Variants in PIKFYVE observed in about 807,000 individuals in gnomAD.
The protein encoded by PIKFYVE is phosphoinositide kinase, FYVE-type zinc finger containing.
In PIKFYVE, 122 loss-of-function variants were observed where a neutral mutation model predicts 257.9. The ratio of observed to expected loss-of-function variants is 0.47; its 90% CI spans 0.41 to 0.55. The LOEUF is 0.55. PIKFYVE is among the 20% of genes least tolerant of loss of function. PIKFYVE has a pLI of 0.00. For missense variants in PIKFYVE, 2,160 were observed against 2,536.6 expected (o/e 0.85, Z 3.19); for synonymous variants, 892 against 868.9 (o/e 1.03, Z -0.47).
chr2:208,294,074 G>T (rs937355889), intron 7 of PIKFYVE, among the ~76,000 whole-genome samples: 3 of 151,850 alleles, frequency 2.0e-5, no homozygotes, highest in Non-Finnish European at 4.4e-5. Flanking sequence ...ACCTTTTGTA[G>T]TTGTCCCACA....
At chr2:208,306,184 G>A (rs2125374885) in intron 12 of PIKFYVE, among the ~76,000 whole-genome samples, 1 of 152,324 alleles carries the variant, frequency 6.6e-6, no homozygotes, top group East Asian at 1.9e-4. Context: ...AGTAGAGAAG[G>A]TGTGTTAATG....
chr2:208,271,247 T>C (rs1280833560), intron 1 of PIKFYVE, among the ~76,000 whole-genome samples: 1 of 152,202 alleles, frequency 6.6e-6, no homozygotes, highest in Non-Finnish European at 1.5e-5. Context: ...TTTTTATTAA[T>C]TTAAATCTTT....
rs1160340036 is a variant in PIKFYVE at position 208,284,708 on chromosome 2, C to T, written c.614-1018C>T. ...ATAAAGACCTTAATAATATTTTCCT[C>T]CTTAATTAATTTGCCTATGGAAAAT... On this transcript the variant is annotated intron_variant, in intron 5 of 41. Coordinates refer to ENST00000264380, the MANE Select transcript of PIKFYVE (RefSeq NM_015040.4). Among the ~76,000 whole-genome samples the T allele has an allele frequency of 2.0e-5, 3 of 152,048 alleles. No homozygotes were observed. The East Asian group carries it at 5.8e-4, about 29-fold the overall frequency.
chr2:208,286,254 A>G (rs2363465), intron 6 of PIKFYVE, among the ~76,000 whole-genome samples: 119,078 of 152,116 alleles, frequency 0.78, 47,579 homozygotes, highest in East Asian at 0.93. Flanking sequence ...TGAGATTTTT[A>G]ATTTAATTAA....
chr2:208,308,315 T>A (rs1694574599), intron 12 of PIKFYVE, among the ~76,000 whole-genome samples: 1 of 151,910 alleles, frequency 6.6e-6, no homozygotes, highest in African/African-American at 2.4e-5. Context: ...GTGGGAGGAT[T>A]GCTTGAGCTT....
chr2:208,275,038 G>C (rs909912712), intron 3 of PIKFYVE, among the ~76,000 whole-genome samples: 7 of 152,160 alleles, frequency 4.6e-5, no homozygotes, highest in Non-Finnish European at 1.0e-4. Flanking sequence ...TCCTTCTCAA[G>C]TCTGCTTGAT....
chr2:208,271,024 A>G (rs967696553), intron 1 of PIKFYVE, among the ~76,000 whole-genome samples: 25 of 151,416 alleles, frequency 1.7e-4, no homozygotes, highest in Admixed American at 9.2e-4. Flanking sequence ...CGACAGAGCA[A>G]GACTCCATCT....
At chr2:208,344,481 T>C (rs1227007349) in intron 32 of PIKFYVE, among the ~76,000 whole-genome samples, 2 of 152,150 alleles carry the variant, frequency 1.3e-5, no homozygotes, top group Non-Finnish European at 2.9e-5. Context: ...TTAATAGTCA[T>C]AATATATTAA....
chr2:208,300,854 A>G (rs1339927705), intron 8 of PIKFYVE, 83 bp from the exon 9 acceptor site: 1 of 1,548,928 alleles, frequency 6.5e-7, no homozygotes, highest in African/African-American at 1.4e-5. Context: ...TCCTTTTATG[A>G]GTCTAAAAAT....
chr2:208,289,501 C>T (rs1038829109), intron 7 of PIKFYVE, among the ~76,000 whole-genome samples: 2 of 152,132 alleles, frequency 1.3e-5, no homozygotes, highest in African/African-American at 4.8e-5. Context: ...GTGATCTCAG[C>T]TCACTGCAAG....
At chr2:208,320,497 C>A in intron 17 of PIKFYVE, 138 bp downstream of exon 17, 3 of 966,310 alleles carry the variant, frequency 3.1e-6, no homozygotes, top group South Asian at 3.2e-5. Context: ...AAACCTCTGT[C>A]ACTCATTATT....
At chr2:208,288,935 A>G in intron 7 of PIKFYVE, 117 bp downstream of exon 7, 1 of 1,275,436 alleles carries the variant, frequency 7.8e-7, no homozygotes, top group Non-Finnish European at 1.1e-6. Flanking sequence ...GTAGCTCTAA[A>G]AGCTGAATTA....
At chr2:208,324,791 T>G in intron 18 of PIKFYVE, 120 bp from the exon 19 acceptor site, 1 of 1,260,842 alleles carries the variant, frequency 7.9e-7, no homozygotes, top group Non-Finnish European at 1.1e-6. Flanking sequence ...CATCATATAT[T>G]TATTAAAAAG....
intron 29 of PIKFYVE, among the ~76,000 whole-genome samples, chr2:208,338,917 TTGTCTAGACCTAAGA>T (rs1698433314): frequency 6.6e-6 from 1 of 152,186 alleles, no homozygotes; most frequent in Non-Finnish European, 1.5e-5. Context: ...CACTAAAATA[TTGTCTAGACCTAAGA>T]TGTCTTTCAC....
chr2:208,344,699 A>C (rs1212135039), intron 32 of PIKFYVE, among the ~76,000 whole-genome samples: 1 of 111,346 alleles, frequency 9.0e-6, no homozygotes, highest in African/African-American at 3.1e-5. Context: ...TTTTTGGTTA[A>C]TAGAACATTA....
intron 18 of PIKFYVE, among the ~76,000 whole-genome samples, chr2:208,324,649 C>T (rs950095400): frequency 1.3e-5 from 2 of 152,112 alleles, no homozygotes; most frequent in Non-Finnish European, 2.9e-5. Flanking sequence ...TTGTTTTTCT[C>T]CCCACATTAT....
chr2:208,304,700 C>A, intron 11 of PIKFYVE, 146 bp from the exon 12 acceptor site: 1 of 748,714 alleles, frequency 1.3e-6, no homozygotes, highest in Non-Finnish European at 2.3e-6. Context: ...CACAGAAGTA[C>A]ATGAAAATAC....
chr2:208,308,576 C>G (rs903195575), intron 12 of PIKFYVE, among the ~76,000 whole-genome samples: 44 of 152,108 alleles, frequency 2.9e-4, no homozygotes, highest in Non-Finnish European at 5.9e-5. Flanking sequence ...CTTTGACTAG[C>G]ATCTCCCCAT....
intron 7 of PIKFYVE, among the ~76,000 whole-genome samples, chr2:208,294,019 T>C (rs1056355445): frequency 4.6e-5 from 7 of 152,148 alleles, no homozygotes; most frequent in African/African-American, 1.7e-4. Context: ...TGTGTTCCTT[T>C]CTCTCTTTCT....
Sources: gnomAD v4.1 joint callset for allele counts (sites outside exome capture counted in the v4.1 genomes callset) on GRCh38, gnomAD v4.1.1 for gene constraint, MANE v1.5 for transcripts, NCBI Gene and HGNC (gene_info 2026-07-23, HGNC 2026-07-21) for gene names.